The following ZNF385B variants were observed in gnomAD, a reference collection of about 807,000 sequenced individuals.
The protein encoded by ZNF385B is zinc finger protein 533.
A neutral mutation model predicts 39.2 loss-of-function variants in ZNF385B; 23 were observed. That is an observed-to-expected ratio of 0.59 (90% confidence interval 0.42 to 0.83). ZNF385B has a LOEUF of 0.83. Ranked by LOEUF, ZNF385B falls within the 40% of genes least tolerant of loss-of-function variation. ZNF385B has a pLI of 0.00. For synonymous variants in ZNF385B, 205 were observed against 222.6 expected, an observed-to-expected ratio of 0.92 and a Z score of 0.70; for missense variants, 552 against 598.9, an observed-to-expected ratio of 0.92 and a Z score of 0.82.
intron 3 of ZNF385B, among the ~76,000 whole-genome samples, chr2:179,708,274 T>C (rs1441496923): frequency 3.3e-5 from 5 of 152,212 alleles, no homozygotes; most frequent in African/African-American, 9.6e-5. Context: ...CAATTCCTCC[T>C]TCACATGCTC....
intron 3 of ZNF385B, among the ~76,000 whole-genome samples, chr2:179,581,598 T>C (rs1407457248): frequency 1.3e-5 from 2 of 152,180 alleles, no homozygotes; most frequent in Non-Finnish European, 2.9e-5. Flanking sequence ...ATTTATTCCA[T>C]GTAAGGCACT....
chr2:179,717,475 G>A (rs1700404640), intron 3 of ZNF385B, among the ~76,000 whole-genome samples: 1 of 152,212 alleles, frequency 6.6e-6, no homozygotes, highest in South Asian at 2.1e-4. Flanking sequence ...GCTCATGCCT[G>A]TAATCCTAAC....
chr2:179,479,451 C>G (rs1483273246), intron 6 of ZNF385B, among the ~76,000 whole-genome samples: 1 of 152,232 alleles, frequency 6.6e-6, no homozygotes, highest in East Asian at 1.9e-4. Context: ...ATGGTTGTGC[C>G]AAGTGCCAAA....
chr2:179,723,296 C>T (rs578258624), intron 3 of ZNF385B, among the ~76,000 whole-genome samples: 1 of 152,190 alleles, frequency 6.6e-6, no homozygotes, highest in Admixed American at 6.5e-5. Flanking sequence ...AGATTATATG[C>T]CCTCAGAGTA....
intron 1 of ZNF385B, among the ~76,000 whole-genome samples, chr2:179,828,068 T>C (rs1050559998): frequency 5.3e-5 from 8 of 152,226 alleles, no homozygotes; most frequent in Admixed American, 2.0e-4. Context: ...TATCATTTTA[T>C]GAATATTTTA....
intron 3 of ZNF385B, among the ~76,000 whole-genome samples, chr2:179,664,708 A>G (rs574039869): frequency 2.6e-5 from 4 of 152,198 alleles, no homozygotes; most frequent in Non-Finnish European, 4.4e-5. Context: ...ATGTACATAC[A>G]CTATGTAACA....
At chr2:179,521,353 G>GTTTTTTTTTTTTTTTTTTTTTTTTTTTT (rs56392185) in intron 4 of ZNF385B, among the ~76,000 whole-genome samples, 9 of 108,172 alleles carry the variant, frequency 8.3e-5, no homozygotes, top group Non-Finnish European at 1.1e-4. Flanking sequence ...CACCTGGCCA[G>GTTTTTTTTTTTTTTTTTTTTTTTTTTTT]TTTTTTTTTT....
At chr2:179,573,163 G>A (rs1024722931) in intron 3 of ZNF385B, among the ~76,000 whole-genome samples, 15 of 152,190 alleles carry the variant, frequency 9.9e-5, no homozygotes, top group African/African-American at 2.9e-4. Flanking sequence ...TAGGAATGGC[G>A]AATTCATATC....
intron 3 of ZNF385B, chr2:179,576,200 C>G: frequency 1.0e-6 from 1 of 985,226 alleles, no homozygotes; most frequent in Non-Finnish European, 1.2e-6. Flanking sequence ...CACATCATTA[C>G]TGGACTCCTT....
rs186731098 is a variant in ZNF385B at position 179,594,942 on chromosome 2, G to T, written c.299-49973C>A. Among the ~76,000 whole-genome samples, 5 of 152,054 alleles carry T rather than the reference G, an allele frequency of 3.3e-5. No homozygotes were observed. The East Asian group carries it at 9.7e-4, about 29-fold the overall frequency. ...CCACCTCAGCATTCTGAGTAGCTGG[G>T]TACAGGCACATATGCCCATGTGCAG... On this transcript the variant is annotated intron_variant, in intron 3 of 9. Transcript: ENST00000410066.
chr2:179,510,434 T>C (rs899099704), intron 5 of ZNF385B, among the ~76,000 whole-genome samples: 4 of 152,106 alleles, frequency 2.6e-5, no homozygotes, highest in Non-Finnish European at 4.4e-5. Flanking sequence ...TATAGGTGAA[T>C]GTATAATATA....
chr2:179,698,146 G>A (rs1380845936), intron 3 of ZNF385B, among the ~76,000 whole-genome samples: 2 of 150,932 alleles, frequency 1.3e-5, no homozygotes, highest in African/African-American at 4.9e-5. Flanking sequence ...AAACCTGCAC[G>A]TTGTGCACAT....
rs1559338211 is a variant in ZNF385B at position 179,493,775 on chromosome 2, G to GTATACATATGTT, written c.553-10342_553-10341insAACATATGTATA. On this transcript the variant is annotated intron_variant, in intron 5 of 9. Transcript: ENST00000410066. ...TATATACATATATGTATACATATATGTATATACACATATGTATACATATAT... is the reference window on the plus strand; with the variant it reads ...TATATACATATATGTATACATATATGTATACATATGTTTATATACACATATGTATACATATAT... Among the ~76,000 whole-genome samples the GTATACATATGTT allele has an allele frequency of 2.6e-5, 2 of 77,792 alleles. 1 individual carries two copies. The highest frequency in any genetic ancestry group is 4.4e-4 in the East Asian group (2 of 4,564). The allele number at this position is 77,792 out of a possible 152,430, so 51.0% of individuals were successfully genotyped here.
At chr2:179,608,842 CTGTGTG>C (rs60633100) in intron 3 of ZNF385B, among the ~76,000 whole-genome samples, 15,912 of 134,238 alleles carry the variant, frequency 0.12, 952 homozygotes, top group East Asian at 0.15. Flanking sequence ...AGGGCCAAGA[CTGTGTG>C]TGTGTGTGTG....
intron 3 of ZNF385B, among the ~76,000 whole-genome samples, chr2:179,631,013 G>T (rs967975507): frequency 1.3e-5 from 2 of 152,164 alleles, no homozygotes; most frequent in Admixed American, 6.5e-5. Flanking sequence ...AGAAACAGGG[G>T]GCTATGTGAA....
intron 3 of ZNF385B, among the ~76,000 whole-genome samples, chr2:179,738,916 G>A (rs544563268): frequency 1.3e-3 from 196 of 152,246 alleles, no homozygotes; most frequent in Middle Eastern, 3.4e-3. Context: ...ACAAATCCAC[G>A]AAATTACACT....
intron 1 of ZNF385B, among the ~76,000 whole-genome samples, chr2:179,855,233 A>G (rs1235955516): frequency 6.6e-6 from 1 of 152,224 alleles, no homozygotes; most frequent in Non-Finnish European, 1.5e-5. Flanking sequence ...GAAAAAGTTG[A>G]TTAGCTTTTG....
chr2:179,475,497 G>A lies in ZNF385B; in HGVS notation c.715+7775C>T, dbSNP rs141299659. The stretch of plus-strand genomic sequence containing the variant: ...GAACTCCTGACCTTGTGATCCATCC[G>A]CCTCAGCCTTCCAAAGTGCTGGGAT... On this transcript the variant is annotated intron_variant, in intron 6 of 9. Coordinates refer to ENST00000410066, the MANE Select transcript of ZNF385B (RefSeq NM_152520.6). 3.7e-3 allele frequency among the ~76,000 whole-genome samples: 556 copies of A among 151,696 alleles called. 2 individuals carry two copies. The highest frequency in any genetic ancestry group is 0.013 in the African/African-American group (539 of 41,396).
chr2:179,526,104 C>T (rs959976588), intron 4 of ZNF385B, among the ~76,000 whole-genome samples: 10 of 140,310 alleles, frequency 7.1e-5, no homozygotes, highest in African/African-American at 2.6e-4. Flanking sequence ...GTGGCTCAGT[C>T]TGGGTCACTG....
Sources: gnomAD v4.1 joint callset for allele counts (sites outside exome capture counted in the v4.1 genomes callset) on GRCh38, gnomAD v4.1.1 for gene constraint, MANE v1.5 for transcripts, NCBI Gene and HGNC (gene_info 2026-07-23, HGNC 2026-07-21) for gene names.